KLHDC2: variants seen among roughly 807,000 people sequenced by gnomAD.
KLHDC2 encodes the protein kelch domain containing 2.
A neutral mutation model predicts 62.3 loss-of-function variants in KLHDC2; 38 were observed. The observed-to-expected ratio is 0.61, with a 90% CI of 0.47 to 0.80. KLHDC2 has a LOEUF of 0.80. KLHDC2 is among the 30% of genes least tolerant of loss of function. The pLI is 0.00. For missense variants in KLHDC2, 430 were observed against 495.3 expected (o/e 0.87, Z 1.25); for synonymous variants, 159 against 161.0 (o/e 0.99, Z 0.09).
At chr14:49,782,277 T>C in intron 10 of KLHDC2, 93 bp from the exon 11 acceptor site, 1 of 766,116 alleles carries the variant, frequency 1.3e-6, no homozygotes, top group Non-Finnish European at 2.2e-6. Flanking sequence ...TACCTTAAGA[T>C]CGCTAGTCTT....
Position 49,784,752 on chromosome 14 carries a change from AT to A in KLHDC2, c.*1800del, listed in dbSNP as rs755866767. On this transcript the variant is annotated 3_prime_UTR_variant, in exon 13 of 13. Transcript: ENST00000298307. ...ATTGCTGAATATCTTCACATCCTGT[AT>A]GGTCAATCATGTTTCTTTTATGACA... The A allele has an allele frequency of 2.4e-5, 37 of 1,527,474 alleles. No individual in the cohort carries two copies. In the East Asian group the frequency reaches 8.3e-4, roughly 34 times the overall value. 94.6% of individuals were successfully genotyped at this position (1,527,474 alleles called of 1,614,324 possible).
chr14:49,780,004 G>T lies in KLHDC2; in HGVS notation c.773+198G>T, dbSNP rs571320304. The T allele has an allele frequency of 4.9e-6, 3 of 615,326 alleles. No homozygotes were observed. In the East Asian group the frequency reaches 8.2e-5, roughly 17 times the overall value. The allele number at this position is 615,326 out of a possible 1,614,324, so 38.1% of individuals were successfully genotyped here. ...ACTATGTGCCTAGTACATAGCATGTGCTCAGTGTTTGTTGAAAGGAAAAGG... is the reference window on the plus strand; with the variant it reads ...ACTATGTGCCTAGTACATAGCATGTTCTCAGTGTTTGTTGAAAGGAAAAGG... On this transcript the variant is annotated intron_variant, in intron 8 of 12. Coordinates refer to ENST00000298307, the MANE Select transcript of KLHDC2 (RefSeq NM_014315.3).
intron 6 of KLHDC2, among the ~76,000 whole-genome samples, chr14:49,779,032 C>G (rs1889831386): frequency 6.6e-6 from 1 of 152,168 alleles, no homozygotes; most frequent in Non-Finnish European, 1.5e-5. Flanking sequence ...CTATCTAATA[C>G]ACTTTACGTG....
At position 49,783,150 on chromosome 14, in the gene KLHDC2, C is replaced by T; in HGVS notation, c.*197C>T. 2.4e-6 allele frequency: 1 copy of T among 409,948 alleles called. No individual in the cohort carries two copies. The highest frequency in any genetic ancestry group is 4.2e-6 in the Non-Finnish European group (1 of 235,570). The allele number at this position is 409,948 out of a possible 1,614,324, so 25.4% of individuals were successfully genotyped here. On this transcript the variant is annotated 3_prime_UTR_variant, in exon 13 of 13. Transcript: ENST00000298307. Reference sequence around the variant, plus strand: ...TGTATTTAACACCAGTAGCTGTCCTCTATTAAAGTAAAGTAATGGTTGGGC... The same window carrying T: ...TGTATTTAACACCAGTAGCTGTCCTTTATTAAAGTAAAGTAATGGTTGGGC...
intron 2 of KLHDC2, 111 bp from the exon 3 acceptor site, chr14:49,774,450 G>T: frequency 1.3e-6 from 1 of 741,972 alleles, no homozygotes; most frequent in Non-Finnish European, 2.4e-6. Flanking sequence ...TGTCTACTCT[G>T]CCTTCTCATT....
intron 1 of KLHDC2, chr14:49,769,071 G>A (rs189501958): frequency 1.3e-5 from 2 of 155,684 alleles, no homozygotes; most frequent in Non-Finnish European, 2.8e-5. Context: ...CCGAGGTGTA[G>A]GAAAACTGGA....
At chr14:49,778,826 C>T (rs934150630) in intron 6 of KLHDC2, among the ~76,000 whole-genome samples, 7 of 151,638 alleles carry the variant, frequency 4.6e-5, no homozygotes, top group African/African-American at 1.5e-4. Flanking sequence ...CAGGTTCAAG[C>T]GATTCTCCTG....
chr14:49,768,629 A>T lies in KLHDC2; in HGVS notation c.153+8A>T. 1 of 1,579,010 alleles carries T rather than the reference A, an allele frequency of 6.3e-7. No homozygotes were observed. On this transcript the variant is annotated splice_region_variant and intron_variant, in intron 1 of 12. Coordinates refer to ENST00000298307, the MANE Select transcript of KLHDC2 (RefSeq NM_014315.3). ...GTCTGGGGCGGCTACAAGGTCAGTGAGTGGCCGGGCCGCGACGGACGTCGC... is the reference window on the plus strand; with the variant it reads ...GTCTGGGGCGGCTACAAGGTCAGTGTGTGGCCGGGCCGCGACGGACGTCGC...
chr14:49,779,935 G>A lies in KLHDC2; in HGVS notation c.773+129G>A, dbSNP rs1014208176. On this transcript the variant is annotated intron_variant, in intron 8 of 12. Transcript: ENST00000298307. ...GAAATTAAATAAACATAATTACTAG[G>A]TCCTTAAGGAATGAATTTTATTTTT... 1.2e-5 allele frequency: 8 copies of A among 686,278 alleles called. No individual in the cohort carries two copies. The African/African-American group carries it at 1.5e-4, about 12-fold the overall frequency. The allele number at this position is 686,278 out of a possible 1,614,324, so 42.5% of individuals were successfully genotyped here.
In KLHDC2 at chr14:49,784,883, T is replaced by TTAA; in HGVS notation, c.*1930_*1931insTAA. On this transcript the variant is annotated 3_prime_UTR_variant, in exon 13 of 13. Transcript: ENST00000298307. Reference sequence around the variant, plus strand: ...AAAAAACTGCTAACATTTTAAATTGTACTGTCAGTCTCCACATTCCTTTTC... The same window carrying TTAA: ...AAAAAACTGCTAACATTTTAAATTGTTAAACTGTCAGTCTCCACATTCCTTTTC... 6 of 1,530,056 alleles carry TTAA rather than the reference T, an allele frequency of 3.9e-6. No individual in the cohort carries two copies. Among genetic ancestry groups the TTAA allele is most frequent in the Non-Finnish European group, 4.5e-6 (5 of 1,106,496 alleles). 94.8% of individuals were successfully genotyped at this position (1,530,056 alleles called of 1,614,324 possible).
intron 6 of KLHDC2, among the ~76,000 whole-genome samples, chr14:49,779,241 TAC>T (rs1418560060): frequency 1.2e-4 from 19 of 152,214 alleles, no homozygotes; most frequent in East Asian, 1.9e-4. Context: ...CTCTGCACTA[TAC>T]TGCAATTTGT....
intron 3 of KLHDC2, among the ~76,000 whole-genome samples, chr14:49,777,588 T>G (rs1363153465): frequency 3.5e-5 from 5 of 143,846 alleles, no homozygotes; most frequent in African/African-American, 1.3e-4. Context: ...ACCCTGTCTC[T>G]TAAAAAAAAA....
In KLHDC2 at chr14:49,774,677, A is replaced by T. The variant is rs750638907; in HGVS notation, c.350A>T (p.Lys117Met). ...GGHHSRGNTN[K>M]FYMLDSRSTD... is the part of the protein sequence containing the mutation. ...CACCATTCAAGAGGCAATACCAATAAGGTTAGTGTTTCTAAGGATTATGGC... is the reference window on the plus strand; with the variant it reads ...CACCATTCAAGAGGCAATACCAATATGGTTAGTGTTTCTAAGGATTATGGC... Residue 117 changes from lysine to methionine, a missense_variant and splice_region_variant, in exon 3 of 13, where the codon AAG (lysine) becomes ATG (methionine). Lys to Met is a moderately conservative substitution (Grantham distance 95, BLOSUM62 -1). Coordinates refer to ENST00000298307, the MANE Select transcript of KLHDC2 (RefSeq NM_014315.3). The T allele has an allele frequency of 2.1e-5, 32 of 1,550,356 alleles. No individual in the cohort carries two copies. The highest frequency in any genetic ancestry group is 2.8e-5 in the Non-Finnish European group (31 of 1,121,828).
At chr14:49,780,379 C>A in intron 9 of KLHDC2, 57 bp downstream of exon 9, 2 of 1,153,028 alleles carry the variant, frequency 1.7e-6, no homozygotes, top group Non-Finnish European at 2.6e-6. Context: ...TATCTAATAG[C>A]TGAAAATGAG....
At chr14:49,779,386 C>G (rs948076749) in intron 6 of KLHDC2, among the ~76,000 whole-genome samples, 1 of 152,122 alleles carries the variant, frequency 6.6e-6, no homozygotes, top group Admixed American at 6.5e-5. Context: ...TTGTGTTAGC[C>G]AGCCCATTCA....
intron 2 of KLHDC2, 59 bp from the exon 3 acceptor site, chr14:49,774,498 AAATT>A: frequency 4.8e-6 from 5 of 1,040,904 alleles, no homozygotes; most frequent in Non-Finnish European, 7.6e-6. Context: ...AGAAGAAGAA[AAATT>A]AATAGACTTT....
rs546028817 is a variant in KLHDC2, at chr14:49,774,021, C to A, written c.234-540C>A. Reference sequence around the variant, plus strand: ...TTAGATTCCTTAGGTTGATTCAGATCAATTTTTAGATTCAGAATGAGTTAA... The same window carrying A: ...TTAGATTCCTTAGGTTGATTCAGATAAATTTTTAGATTCAGAATGAGTTAA... On this transcript the variant is annotated intron_variant, in intron 2 of 12. Coordinates refer to ENST00000298307, the MANE Select transcript of KLHDC2 (RefSeq NM_014315.3). Among the ~76,000 whole-genome samples, 34 of 152,170 alleles carry A rather than the reference C, an allele frequency of 2.2e-4. 1 individual carries two copies. The highest frequency in any genetic ancestry group is 4.0e-4 in the Non-Finnish European group (27 of 68,028).
At chr14:49,778,389 C>A in intron 5 of KLHDC2, 22 bp from the exon 6 acceptor site, 2 of 1,418,696 alleles carry the variant, frequency 1.4e-6, no homozygotes, top group South Asian at 1.2e-5. Flanking sequence ...TCTAAAATAA[C>A]GCGGATTCTT....
chr14:49,780,571 G>GT (rs111338976), intron 9 of KLHDC2, 132 bp from the exon 10 acceptor site: 20 of 713,080 alleles, frequency 2.8e-5, no homozygotes, highest in East Asian at 7.7e-5. Flanking sequence ...CTAATTGCAG[G>GT]GGGGGGAAAA....
Sources: allele counts gnomAD v4.1 joint callset (sites outside exome capture counted in the v4.1 genomes callset), GRCh38; gene constraint gnomAD v4.1.1; transcripts MANE v1.5; gene names NCBI Gene and HGNC (gene_info 2026-07-23, HGNC 2026-07-21).